Variants in SYNE2 observed in about 807,000 individuals in gnomAD.
The protein encoded by SYNE2 is nesprin-2.
A neutral mutation model predicts 856.3 loss-of-function variants in SYNE2; 431 were observed. The observed-to-expected ratio is 0.50, with a 90% CI of 0.47 to 0.55. The LOEUF is 0.55. Ranked by LOEUF, SYNE2 falls within the 20% of genes least tolerant of loss-of-function variation. The probability of loss-of-function intolerance (pLI) is 0.00; values close to 1 mark genes in which losing one functional copy is unlikely to be tolerated. For missense variants in SYNE2, 8,129 were observed against 8,023.2 expected, an observed-to-expected ratio of 1.01 and a Z score of -0.50; for synonymous variants, 2,923 against 2,872.3, an observed-to-expected ratio of 1.02 and a Z score of -0.56.
rs17101661 is a variant in SYNE2, at chr14:64,097,962, G to A, written c.12122G>A (p.Arg4041His). The change falls in exon 62 of 116, where the codon CGT becomes CAT. Residue 4041 changes from arginine to histidine, a missense_variant. Physicochemically the swap from Arg to His is conservative, Grantham distance 29. Around this residue, in one of 3 missense-constraint regions of SYNE2, gnomAD observed 5,410 missense variants for 5,284.8 expected, o/e 1.02. Coordinates refer to ENST00000555002, the MANE Select transcript of SYNE2 (RefSeq NM_182914.3). ...KLPQLQGEIE[R>H]MEKQILSLNQ... ...CTTTCTACACAGGGAGAAATCGAACGTATGGAGAAACAGATTCTGAGTTTG... is the reference window on the plus strand; with the variant it reads ...CTTTCTACACAGGGAGAAATCGAACATATGGAGAAACAGATTCTGAGTTTG... 23,117 of 1,614,186 alleles carry A rather than the reference G, an allele frequency of 0.014. 211 individuals are homozygous for A. Among genetic ancestry groups the A allele is most frequent in the African/African-American group, 0.028 (2,117 of 75,046 alleles).
chr14:63,951,430 G>A (rs1236284992), intron 7 of SYNE2, among the ~76,000 whole-genome samples: 1 of 152,088 alleles, frequency 6.6e-6, no homozygotes, highest in African/African-American at 2.4e-5. Flanking sequence ...AGCCTCCCCT[G>A]TAGCTGGCAT....
chr14:63,922,162 C>G (rs1352802947), intron 2 of SYNE2, among the ~76,000 whole-genome samples: 2 of 151,994 alleles, frequency 1.3e-5, no homozygotes, highest in Admixed American at 6.6e-5. Flanking sequence ...CGCCACCATG[C>G]CTGGCTAAAT....
chr14:63,928,388 G>GT (rs2095699614), intron 2 of SYNE2, among the ~76,000 whole-genome samples: 1 of 152,202 alleles, frequency 6.6e-6, no homozygotes, highest in African/African-American at 2.4e-5. Context: ...TGCTCACTGT[G>GT]TTTATCAGTT....
In SYNE2 at chr14:64,113,478, G is replaced by T. The variant is rs766778225; in HGVS notation, c.12747G>T (p.Glu4249Asp). The T allele has an allele frequency of 6.2e-6, 10 of 1,614,180 alleles. No individual in the cohort carries two copies. The highest frequency in any genetic ancestry group is 8.5e-6 in the Non-Finnish European group (10 of 1,180,018). Reference sequence around the variant, plus strand: ...GCAAGACCCAGGTGGCCGAGCTGGAGCTGTGGCTGCAACAAGCCAACGTGG... The same window carrying T: ...GCAAGACCCAGGTGGCCGAGCTGGATCTGTGGCTGCAACAAGCCAACGTGG... ...HACKTQVAEL[E>D]LWLQQANVAV... is the part of the protein sequence containing the mutation. The change falls in exon 66 of 116, where the codon GAG becomes GAT. Residue 4249 changes from glutamate to aspartate, a missense_variant. Transcript: ENST00000555002.
chr14:63,783,723 A>G (rs902172504), intron 1 of SYNE2, among the ~76,000 whole-genome samples: 15 of 152,290 alleles, frequency 9.8e-5, no homozygotes, highest in Admixed American at 9.8e-4. Flanking sequence ...GAGACCAAAG[A>G]TTGCCTTTAT....
At position 64,062,975 on chromosome 14, in the gene SYNE2, G is replaced by T. The variant is rs1406492446; in HGVS notation, c.10212+80G>T. The stretch of plus-strand genomic sequence containing the variant: ...ACTGGCAGAGGCAGCAGAGAATGTG[G>T]TCCTGTTAAGACGCGTAGAAATCTT... On this transcript the variant is annotated intron_variant, in intron 50 of 115. Transcript: ENST00000555002. 6 of 1,537,184 alleles carry T rather than the reference G, an allele frequency of 3.9e-6. No homozygotes were observed. The East Asian group carries it at 1.3e-4, about 35-fold the overall frequency.
intron 21 of SYNE2, among the ~76,000 whole-genome samples, chr14:63,991,515 TA>T (rs906838538): frequency 1.3e-5 from 2 of 151,964 alleles, no homozygotes; most frequent in African/African-American, 2.4e-5. Context: ...TCTCTGAATG[TA>T]AAAAAAACCA....
rs576862456 is a variant in SYNE2, at chr14:64,126,701, T to C, written c.13811T>C (p.Leu4604Pro). Residue 4604 changes from leucine (L) to proline (P), a missense_variant, in exon 73 of 116, where the codon CTT becomes CCT. Around this residue, in one of 3 missense-constraint regions of SYNE2, gnomAD observed 5,410 missense variants for 5,284.8 expected, o/e 1.02. Coordinates refer to ENST00000555002, the MANE Select transcript of SYNE2 (RefSeq NM_182914.3). ...TWPGENTNLL[L>P]ECFDNLQVCL... ...CCTGGCGAGAACACCAACTTGCTCC[T>C]TGAATGTTTTGACAACCTTCAAGTC... The C allele has an allele frequency of 6.2e-7, 1 of 1,614,216 alleles. No individual in the cohort carries two copies. Among genetic ancestry groups the C allele is most frequent in the African/African-American group, 1.3e-5 (1 of 75,046 alleles).
intron 27 of SYNE2, among the ~76,000 whole-genome samples, chr14:63,999,314 ATTTC>A (rs978413816): frequency 9.2e-5 from 14 of 151,700 alleles, no homozygotes; most frequent in African/African-American, 3.4e-4. Context: ...GTTTTTGTTT[ATTTC>A]TTTCTTTTTA....
intron 96 of SYNE2, among the ~76,000 whole-genome samples, chr14:64,179,691 C>T (rs2098449550): frequency 6.6e-6 from 1 of 151,830 alleles, no homozygotes; most frequent in Admixed American, 6.6e-5. Flanking sequence ...TGTGAATTGC[C>T]TATTTGTGCC....
chr14:63,933,520 A>G (rs1394047959), intron 2 of SYNE2, among the ~76,000 whole-genome samples: 3 of 152,218 alleles, frequency 2.0e-5, no homozygotes, highest in Non-Finnish European at 4.4e-5. Context: ...ACACCTAGAG[A>G]AAAATCTTTG....
chr14:64,207,151 T>G (rs915989486), intron 100 of SYNE2, among the ~76,000 whole-genome samples: 4 of 152,200 alleles, frequency 2.6e-5, no homozygotes, highest in Non-Finnish European at 5.9e-5. Context: ...AACCTGGTGG[T>G]GTTCATTTGT....
At chr14:64,214,973 C>T (rs1567668812) in intron 106 of SYNE2, among the ~76,000 whole-genome samples, 1 of 152,122 alleles carries the variant, frequency 6.6e-6, no homozygotes, top group Non-Finnish European at 1.5e-5. Context: ...CTCCTGGGCT[C>T]AAGAAGTCCT....
chr14:63,822,242 AC>A (rs1164129033), intron 1 of SYNE2, among the ~76,000 whole-genome samples: 2 of 152,026 alleles, frequency 1.3e-5, no homozygotes, highest in African/African-American at 4.8e-5. Flanking sequence ...AAAAAAAAAA[AC>A]CCTGCTGAAT....
intron 30 of SYNE2, among the ~76,000 whole-genome samples, chr14:64,006,758 G>T (rs1244164562): frequency 6.6e-6 from 1 of 152,142 alleles, no homozygotes; most frequent in Non-Finnish European, 1.5e-5. Flanking sequence ...AGCCTGGGAG[G>T]TTGAGGCTGC....
intron 85 of SYNE2, 61 bp downstream of exon 85, chr14:64,152,777 G>T: frequency 1.2e-6 from 2 of 1,605,440 alleles, no homozygotes; most frequent in Non-Finnish European, 1.7e-6. Flanking sequence ...CTTATTTGTC[G>T]TTGTAGTTGT....
Position 64,218,267 on chromosome 14 carries a change from T to C in SYNE2, c.19543-131T>C, listed in dbSNP as rs2098676265. 8 of 829,758 alleles carry C rather than the reference T, an allele frequency of 9.6e-6. No homozygotes were observed. The Admixed American group carries it at 1.6e-4, about 17-fold the overall frequency. 51.4% of individuals were successfully genotyped at this position (829,758 alleles called of 1,614,324 possible). ...ACCTAGACACTAAAGCACCACTGTA[T>C]TCCTAGCAAGATACCCTTCAAAGGA... On this transcript the variant is annotated intron_variant, in intron 108 of 115. Coordinates refer to ENST00000555002, the MANE Select transcript of SYNE2 (RefSeq NM_182914.3).
At chr14:64,110,294 C>A (rs2097795897) in intron 65 of SYNE2, among the ~76,000 whole-genome samples, 1 of 152,162 alleles carries the variant, frequency 6.6e-6, no homozygotes, top group Admixed American at 6.5e-5. Context: ...GATTACTTCA[C>A]TGATTACTTA....
chr14:64,138,926 G>GTGTT (rs879648609), intron 79 of SYNE2, among the ~76,000 whole-genome samples: 564 of 145,218 alleles, frequency 3.9e-3, no homozygotes, highest in Non-Finnish European at 6.8e-3. Flanking sequence ...GTGTGTGTGT[G>GTGTT]TGTGTGTGTG....
Sources: allele counts gnomAD v4.1 joint callset (sites outside exome capture counted in the v4.1 genomes callset), GRCh38; gene constraint gnomAD v4.1.1; regional missense constraint gnomAD v4.1.1; transcripts MANE v1.5; gene names NCBI Gene and HGNC (gene_info 2026-07-23, HGNC 2026-07-21).